USP24: variants seen among roughly 807,000 people sequenced by gnomAD.
USP24 encodes the protein ubiquitin specific peptidase 24.
USP24 carries 97 observed loss-of-function variants against 361.6 expected under a neutral mutation model. The observed-to-expected ratio is 0.27, with a 90% CI of 0.23 to 0.32. USP24 has a LOEUF of 0.32. Among genes scored for constraint, USP24 ranks in the 10% least tolerant of loss-of-function variants. USP24 has a pLI of 1.00. For synonymous variants in USP24, 1,098 were observed against 1,124.6 expected (o/e 0.98, Z 0.47); for missense variants, 2,353 against 3,165.6 (o/e 0.74, Z 6.16).
chr1:55,189,133 TAAC>T (rs1644219573), intron 1 of USP24, among the ~76,000 whole-genome samples: 1 of 152,120 alleles, frequency 6.6e-6, no homozygotes, highest in African/African-American at 2.4e-5. Flanking sequence ...CCACTTGACA[TAAC>T]AATTCCATTC....
At chr1:55,149,437 G>A (rs1647130433) in intron 16 of USP24, among the ~76,000 whole-genome samples, 1 of 152,150 alleles carries the variant, frequency 6.6e-6, no homozygotes, top group Admixed American at 6.6e-5. Context: ...GAGCCTTAGT[G>A]TAAGATGAAG....
chr1:55,172,231 GC>G, intron 4 of USP24, 145 bp downstream of exon 4: 1 of 848,116 alleles, frequency 1.2e-6, no homozygotes, highest in Non-Finnish European at 1.6e-6. Context: ...TGGTTGCTCT[GC>G]TTTTAAAATA....
intron 66 of USP24, 51 bp from the exon 67 acceptor site, chr1:55,071,975 A>G (rs1644930214): frequency 1.3e-6 from 2 of 1,491,034 alleles, no homozygotes; most frequent in South Asian, 1.2e-5. Context: ...ATTCAGTGGC[A>G]GCAGCAACCG....
At chr1:55,186,027 C>G (rs1644121202) in intron 1 of USP24, among the ~76,000 whole-genome samples, 1 of 152,098 alleles carries the variant, frequency 6.6e-6, no homozygotes, top group Non-Finnish European at 1.5e-5. Context: ...ATCTGAAGAC[C>G]TGTACCAAGT....
At position 55,133,233 on chromosome 1, in the gene USP24, C is replaced by G. The variant is rs556365109; in HGVS notation, c.3382-533G>C. Among the ~76,000 whole-genome samples, 283 of 152,202 alleles carry G rather than the reference C, an allele frequency of 1.9e-3. 1 individual carries two copies. Among genetic ancestry groups the G allele is most frequent in the African/African-American group, 6.5e-3 (271 of 41,538 alleles). ...AATTTATTCTGAGAACATAATTAAA[C>G]AATATTATAGATACGACACAATTTC... On this transcript the variant is annotated intron_variant, in intron 30 of 67. Transcript: ENST00000294383.
intron 7 of USP24, among the ~76,000 whole-genome samples, chr1:55,163,175 T>C (rs1159754228): frequency 1.3e-5 from 2 of 151,658 alleles, no homozygotes; most frequent in Non-Finnish European, 2.9e-5. Context: ...AAAATAAAAA[T>C]ATGAAAGTAT....
chr1:55,124,428 C>T, intron 35 of USP24, 41 bp downstream of exon 35: 1 of 1,574,334 alleles, frequency 6.4e-7, no homozygotes, highest in Admixed American at 1.8e-5. Flanking sequence ...ATGGTTATTT[C>T]TTACCCAGTG....
chr1:55,153,842 T>A (rs1210763581), intron 16 of USP24, 28 bp downstream of exon 16: 2 of 1,544,102 alleles, frequency 1.3e-6, no homozygotes, highest in Non-Finnish European at 1.8e-6. Flanking sequence ...AGTATACCTT[T>A]TAGTTGGTTC....
chr1:55,178,211 C>T, intron 1 of USP24, 79 bp from the exon 2 acceptor site: 2 of 1,443,176 alleles, frequency 1.4e-6, no homozygotes, highest in Non-Finnish European at 1.9e-6. Context: ...TAACACAGAG[C>T]AGATACTGAA....
chr1:55,214,780 C>A lies in USP24; in HGVS notation c.324+10G>T. 1 of 1,224,030 alleles carries A rather than the reference C, an allele frequency of 8.2e-7. No individual in the cohort carries two copies. Among genetic ancestry groups the A allele is most frequent in the South Asian group, 4.1e-5 (1 of 24,170 alleles). 75.8% of individuals were successfully genotyped at this position (1,224,030 alleles called of 1,614,324 possible). ...GCTTCCCACAGAGGTCTGGGGTTGC[C>A]CCTCCTCACCTCCGCGTCCACCACC... is the stretch of plus-strand genomic sequence containing the variant. On this transcript the variant is annotated intron_variant, in intron 1 of 67. Transcript: ENST00000294383.
intron 58 of USP24, among the ~76,000 whole-genome samples, chr1:55,082,981 G>A (rs770884484): frequency 1.3e-5 from 2 of 151,824 alleles, no homozygotes; most frequent in Non-Finnish European, 2.9e-5. Flanking sequence ...CAGAGAGGAA[G>A]TAGAAGACCC....
intron 32 of USP24, among the ~76,000 whole-genome samples, chr1:55,128,180 A>G (rs1262804518): frequency 6.6e-6 from 1 of 152,160 alleles, no homozygotes; most frequent in Non-Finnish European, 1.5e-5. Flanking sequence ...CCACAGGGCC[A>G]TTTTATAAAT....
Position 55,156,998 on chromosome 1 carries a change from A to C in USP24, c.1396T>G (p.Leu466Val). 1 of 1,613,194 alleles carries C rather than the reference A, an allele frequency of 6.2e-7. No individual in the cohort carries two copies. Among genetic ancestry groups the C allele is most frequent in the Non-Finnish European group, 8.5e-7 (1 of 1,179,418 alleles). Residue 466 changes from leucine (L) to valine (V), a missense_variant, in exon 12 of 68, where the codon TTG (leucine) becomes GTG (valine). Around this residue, in one of 8 missense-constraint regions of USP24, gnomAD observed 386 missense variants for 560.5 expected, o/e 0.69. Transcript: ENST00000294383. ...TCATCTAACGACAATTTACTACCCAAGAGTTCAATAATTCCCTTTATACGG... is the reference window on the plus strand; with the variant it reads ...TCATCTAACGACAATTTACTACCCACGAGTTCAATAATTCCCTTTATACGG... The part of the protein sequence containing the change: ...CDRIKGIIEL[L>V]GSKLSLDELT...
At chr1:55,144,957 C>A (rs1646989437) in intron 20 of USP24, among the ~76,000 whole-genome samples, 1 of 151,874 alleles carries the variant, frequency 6.6e-6, no homozygotes, top group East Asian at 1.9e-4. Flanking sequence ...CAAAAAAACA[C>A]CCATTAAATT....
intron 1 of USP24, among the ~76,000 whole-genome samples, chr1:55,182,901 G>C (rs763153704): frequency 6.6e-6 from 1 of 152,022 alleles, no homozygotes; most frequent in Non-Finnish European, 1.5e-5. Context: ...TTTTAGTAGA[G>C]AGAGACAGGG....
At chr1:55,132,773 C>A in intron 30 of USP24, 73 bp from the exon 31 acceptor site, 6 of 1,424,822 alleles carry the variant, frequency 4.2e-6, no homozygotes, top group Non-Finnish European at 1.9e-6. Context: ...TCTTAGTACA[C>A]GTCCTAATAT....
intron 40 of USP24, among the ~76,000 whole-genome samples, chr1:55,106,943 G>A (rs777990741): frequency 6.6e-6 from 1 of 152,138 alleles, no homozygotes; most frequent in Non-Finnish European, 1.5e-5. Context: ...GTATTACAAA[G>A]TACATAACAG....
chr1:55,073,710 A>G, intron 64 of USP24, 118 bp downstream of exon 64: 1 of 915,080 alleles, frequency 1.1e-6, no homozygotes. Flanking sequence ...CCAAGCAAGC[A>G]GGCCCTGACT....
chr1:55,211,615 C>G (rs1644848218), intron 1 of USP24, among the ~76,000 whole-genome samples: 1 of 152,220 alleles, frequency 6.6e-6, no homozygotes, highest in Non-Finnish European at 1.5e-5. Flanking sequence ...ATTTACCTAA[C>G]TAGCTACATG....
Sources: allele counts gnomAD v4.1 joint callset (sites outside exome capture counted in the v4.1 genomes callset), GRCh38; gene constraint gnomAD v4.1.1; regional missense constraint gnomAD v4.1.1; transcripts MANE v1.5; gene names NCBI Gene and HGNC (gene_info 2026-07-23, HGNC 2026-07-21).